The following ULK4 variants were observed in gnomAD, a reference collection of about 807,000 sequenced individuals.
The protein encoded by ULK4 is unc-51 like kinase 4, also known as inactive serine/threonine-protein kinase ULK4.
A neutral mutation model predicts 160.6 loss-of-function variants in ULK4; 133 were observed. The observed-to-expected ratio is 0.83, with a 90% CI of 0.72 to 0.96. The LOEUF is 0.96. Ranked by LOEUF, ULK4 falls within the 40% of genes least tolerant of loss-of-function variation. The pLI, the probability that ULK4 is intolerant of heterozygous loss-of-function variation, is 0.00. For synonymous variants in ULK4, 534 were observed against 539.8 expected (o/e 0.99, Z 0.15); for missense variants, 1,580 against 1,499.5 (o/e 1.05, Z -0.89).
At chr3:41,337,767 T>G (rs544199668) in intron 35 of ULK4, among the ~76,000 whole-genome samples, 4 of 152,158 alleles carry the variant, frequency 2.6e-5, no homozygotes, top group Non-Finnish European at 5.9e-5. Flanking sequence ...AAATCCAAAT[T>G]TGATTCCTCT....
intron 19 of ULK4, among the ~76,000 whole-genome samples, chr3:41,814,013 G>A (rs1352667994): frequency 6.6e-6 from 1 of 152,166 alleles, no homozygotes; most frequent in African/African-American, 2.4e-5. Context: ...GCTGAGTGGG[G>A]TAGACCGCTG....
At position 41,755,711 on chromosome 3, in the gene ULK4, T is replaced by G. The variant is rs1374621062; in HGVS notation, c.2194-1223A>C. ...TAGACTGAAAAGCTCTTCCAGATTA[T>G]AAGAGATTAAAAAGACATGATAACT... On this transcript the variant is annotated intron_variant, in intron 21 of 36. Coordinates refer to ENST00000301831, the MANE Select transcript of ULK4 (RefSeq NM_017886.4). Among the ~76,000 whole-genome samples, 4 of 152,184 alleles carry G rather than the reference T, an allele frequency of 2.6e-5. No individual in the cohort carries two copies. In the East Asian group the frequency reaches 7.7e-4, roughly 29 times the overall value.
chr3:41,418,455 C>G (rs1175980495), intron 34 of ULK4, among the ~76,000 whole-genome samples: 1 of 151,842 alleles, frequency 6.6e-6, no homozygotes, highest in Non-Finnish European at 1.5e-5. Flanking sequence ...TAGAAGTGGA[C>G]CTGTACAGTT....
intron 21 of ULK4, among the ~76,000 whole-genome samples, chr3:41,781,653 C>T (rs2039844647): frequency 6.6e-6 from 1 of 152,120 alleles, no homozygotes; most frequent in East Asian, 1.9e-4. Context: ...ACAAAACTGG[C>T]CATGGTCACG....
chr3:41,856,564 CAT>C lies in ULK4; in HGVS notation c.1657-20595_1657-20594del, dbSNP rs201080840. The stretch of plus-strand genomic sequence containing the variant: ...ATATATATATGTGTATATATATACA[CAT>C]ATATATATGTGTATATATATACACA... On this transcript the variant is annotated intron_variant, in intron 17 of 36. Coordinates refer to ENST00000301831, the MANE Select transcript of ULK4 (RefSeq NM_017886.4). Among the ~76,000 whole-genome samples the C allele has an allele frequency of 4.6e-3, 316 of 69,026 alleles. 4 individuals are homozygous for C. The highest frequency in any genetic ancestry group is 6.6e-3 in the Non-Finnish European group (258 of 39,158). The allele number at this position is 69,026 out of a possible 152,430, so 45.3% of individuals were successfully genotyped here. A position where few individuals can be genotyped will look rare whatever the true frequency, so the allele number is the denominator to read the frequency against.
chr3:41,376,219 T>G (rs1364482594), intron 35 of ULK4, among the ~76,000 whole-genome samples: 1 of 150,274 alleles, frequency 6.7e-6, no homozygotes, highest in Non-Finnish European at 1.5e-5. Flanking sequence ...GTGTGGTAAT[T>G]CCTCAAGGAT....
At chr3:41,477,534 C>G (rs2084179730) in intron 32 of ULK4, among the ~76,000 whole-genome samples, 1 of 152,194 alleles carries the variant, frequency 6.6e-6, no homozygotes, top group African/African-American at 2.4e-5. Flanking sequence ...AACACACAAT[C>G]TGGAAAAGAA....
At chr3:41,918,754 G>A (rs939042432) in intron 6 of ULK4, among the ~76,000 whole-genome samples, 9 of 151,868 alleles carry the variant, frequency 5.9e-5, no homozygotes, top group Admixed American at 1.3e-4. Context: ...GGCGCACGCT[G>A]CCACGCCCAG....
rs115436773 is a variant in ULK4, at chr3:41,371,778, C to G, written c.3678+26301G>C. ...ACTCCTCGCCAGTGAGGAAACAAAACTGGATGGAGAACGAGTTTGATGAAT... is the reference window on the plus strand; with the variant it reads ...ACTCCTCGCCAGTGAGGAAACAAAAGTGGATGGAGAACGAGTTTGATGAAT... On this transcript the variant is annotated intron_variant, in intron 35 of 36. Transcript: ENST00000301831. Among the ~76,000 whole-genome samples, 653 of 152,074 alleles carry G rather than the reference C, an allele frequency of 4.3e-3. 3 individuals carry two copies. The highest frequency in any genetic ancestry group is 6.8e-3 in the Middle Eastern group (2 of 294).
chr3:41,769,505 C>T lies in ULK4; in HGVS notation c.2194-15017G>A, dbSNP rs189235414. Among the ~76,000 whole-genome samples the T allele has an allele frequency of 2.4e-4, 37 of 152,234 alleles. No individual in the cohort carries two copies. In the East Asian group the frequency reaches 6.6e-3, roughly 27 times the overall value. ...CATCTTGTCATACAGCTCGACATAC[C>T]CAAATATTACTGTGCAGAAAAAGAG... On this transcript the variant is annotated intron_variant, in intron 21 of 36. Transcript: ENST00000301831.
intron 31 of ULK4, among the ~76,000 whole-genome samples, chr3:41,594,312 C>T (rs909377837): frequency 5.3e-5 from 8 of 151,986 alleles, no homozygotes; most frequent in African/African-American, 1.4e-4. Flanking sequence ...CAAGATGGGA[C>T]GATTACTTGA....
chr3:41,391,231 T>C (rs375677411), intron 35 of ULK4, among the ~76,000 whole-genome samples: 1 of 152,082 alleles, frequency 6.6e-6, no homozygotes, highest in Non-Finnish European at 1.5e-5. Context: ...CAAATGAGTG[T>C]GTATGGATTC....
At position 41,305,448 on chromosome 3, in the gene ULK4, C is replaced by G. The variant is rs576614236; in HGVS notation, c.3679-55874G>C. 3.9e-5 allele frequency among the ~76,000 whole-genome samples: 6 copies of G among 152,370 alleles called. No homozygotes were observed. The East Asian group carries it at 1.2e-3, about 29-fold the overall frequency. On this transcript the variant is annotated intron_variant, in intron 35 of 36. Transcript: ENST00000301831. ...TGTTGGCCAGGCCGGTCTCCAGCCC[C>G]TAACCGCAAGTGATCCGCCAGCCTC...
intron 22 of ULK4, among the ~76,000 whole-genome samples, chr3:41,724,649 GGAGGCAGAGCTTGCAGT>G (rs1265955332): frequency 6.6e-6 from 1 of 152,070 alleles, no homozygotes; most frequent in Non-Finnish European, 1.5e-5. Context: ...CGTGAACCCG[GGAGGCAGAGCTTGCAGT>G]GAGCCAAGAT....
intron 4 of ULK4, among the ~76,000 whole-genome samples, chr3:41,934,425 TAAAGAA>T (rs1245989317): frequency 6.6e-6 from 1 of 152,186 alleles, no homozygotes; most frequent in African/African-American, 2.4e-5. Flanking sequence ...TGGCACATAT[TAAAGAA>T]AAAGTAAAAA....
chr3:41,797,488 C>T (rs1423567751), intron 20 of ULK4, among the ~76,000 whole-genome samples: 3 of 152,120 alleles, frequency 2.0e-5, no homozygotes, highest in Non-Finnish European at 4.4e-5. Flanking sequence ...AAGCTCTGCA[C>T]TCTAAAAATT....
chr3:41,254,918 G>A (rs1043175420), intron 35 of ULK4, among the ~76,000 whole-genome samples: 1 of 151,188 alleles, frequency 6.6e-6, no homozygotes, highest in African/African-American at 2.4e-5. Context: ...AAGAAACTAG[G>A]AAAAAAAGGA....
At chr3:41,399,933 T>C (rs2082144276) in intron 34 of ULK4, among the ~76,000 whole-genome samples, 1 of 152,354 alleles carries the variant, frequency 6.6e-6, no homozygotes, top group East Asian at 1.9e-4. Flanking sequence ...AAGAGCTTTA[T>C]AGCTTTAGCT....
At chr3:41,317,777 G>C (rs2080173474) in intron 35 of ULK4, among the ~76,000 whole-genome samples, 1 of 152,174 alleles carries the variant, frequency 6.6e-6, no homozygotes, top group African/African-American at 2.4e-5. Flanking sequence ...TATTCCAGAA[G>C]GTGATTTATC....
Sources: gnomAD v4.1 joint callset for allele counts (sites outside exome capture counted in the v4.1 genomes callset) on GRCh38, gnomAD v4.1.1 for gene constraint, MANE v1.5 for transcripts, NCBI Gene and HGNC (gene_info 2026-07-23, HGNC 2026-07-21) for gene names.